PPARGC1A: variants seen among roughly 807,000 people sequenced by gnomAD.
PPARGC1A encodes the protein PPARG coactivator 1 alpha.
A neutral mutation model predicts 88.7 loss-of-function variants in PPARGC1A; 25 were observed. The observed-to-expected ratio is 0.28, with a 90% CI of 0.21 to 0.39. The LOEUF (loss-of-function observed/expected upper bound fraction) is 0.39. PPARGC1A is among the 10% of genes least tolerant of loss of function. PPARGC1A has a pLI of 1.00. For synonymous variants in PPARGC1A, 363 were observed against 355.6 expected (o/e 1.02, Z -0.24); for missense variants, 880 against 968.7 (o/e 0.91, Z 1.22).
chr4:23,984,880 G>C, the PPARGC1A span, among the ~76,000 whole-genome samples: 1 of 152,088 alleles, frequency 6.6e-6, no homozygotes, highest in Non-Finnish European at 1.5e-5. Flanking sequence ...CCAGTGGTCA[G>C]ACAGGATGTA....
the PPARGC1A span, among the ~76,000 whole-genome samples, chr4:24,437,200 A>G: frequency 6.6e-6 from 1 of 152,218 alleles, no homozygotes; most frequent in Non-Finnish European, 1.5e-5. Flanking sequence ...GGACTGCTTC[A>G]TGGCACAGCC....
the PPARGC1A span, among the ~76,000 whole-genome samples, chr4:24,146,246 G>A: frequency 2.6e-5 from 4 of 152,200 alleles, no homozygotes; most frequent in Admixed American, 2.0e-4. Context: ...TTGAATTGGA[G>A]AGCTGTAGAA....
At chr4:24,193,663 A>G in the PPARGC1A span, among the ~76,000 whole-genome samples, 1 of 152,024 alleles carries the variant, frequency 6.6e-6, no homozygotes, top group African/African-American at 2.4e-5. Flanking sequence ...CTGTATCCCA[A>G]CTCCTGGCCA....
At chr4:23,851,664 A>G (rs1223215882) in intron 2 of PPARGC1A, among the ~76,000 whole-genome samples, 1 of 152,116 alleles carries the variant, frequency 6.6e-6, no homozygotes, top group Non-Finnish European at 1.5e-5. Flanking sequence ...AAAACTTAAC[A>G]CTGTGAACGC....
chr4:23,906,487 C>T (rs1182891485), upstream of PPARGC1A, among the ~76,000 whole-genome samples: 1 of 151,246 alleles, frequency 6.6e-6, no homozygotes, highest in Non-Finnish European at 1.5e-5. Flanking sequence ...GTGGTGCATG[C>T]CTGTAATCCC....
chr4:23,965,411 G>A, the PPARGC1A span, among the ~76,000 whole-genome samples: 2 of 152,152 alleles, frequency 1.3e-5, no homozygotes, highest in South Asian at 2.1e-4. Context: ...TGCAGAGCAC[G>A]AATGAATTTA....
the PPARGC1A span, among the ~76,000 whole-genome samples, chr4:23,913,261 TATATATAGAGAGAGAGAGAG>T: frequency 4.0e-3 from 219 of 54,584 alleles, 2 homozygotes; most frequent in African/African-American, 0.012. Flanking sequence ...TATATATATA[TATATATAGAGAGAGAGAGAG>T]AGAGAGAGAG....
intron 5 of PPARGC1A, among the ~76,000 whole-genome samples, chr4:23,827,966 G>A (rs1457592686): frequency 1.3e-5 from 2 of 152,018 alleles, no homozygotes; most frequent in Non-Finnish European, 2.9e-5. Flanking sequence ...AAGAGAGGCT[G>A]CATAAACACT....
the PPARGC1A span, among the ~76,000 whole-genome samples, chr4:23,949,960 G>A: frequency 6.6e-6 from 1 of 152,050 alleles, no homozygotes; most frequent in African/African-American, 2.4e-5. Flanking sequence ...ATTTCATCGT[G>A]CACTAAAAAT....
the PPARGC1A span, among the ~76,000 whole-genome samples, chr4:24,240,746 T>C: frequency 6.6e-6 from 1 of 152,204 alleles, no homozygotes; most frequent in Non-Finnish European, 1.5e-5. Context: ...CAGAGGAATG[T>C]AGCTAGTCAG....
At chr4:24,367,636 T>C in the PPARGC1A span, among the ~76,000 whole-genome samples, 229 of 152,318 alleles carry the variant, frequency 1.5e-3, no homozygotes, top group African/African-American at 4.5e-3. Context: ...TAAAAATGTC[T>C]TTTTCTTTTT....
chr4:24,175,634 C>T, the PPARGC1A span, among the ~76,000 whole-genome samples: 63 of 150,822 alleles, frequency 4.2e-4, no homozygotes, highest in African/African-American at 1.4e-3. Flanking sequence ...GTGATCTGCC[C>T]GCCTCGGCGT....
At chr4:23,993,015 C>A in the PPARGC1A span, among the ~76,000 whole-genome samples, 1 of 152,042 alleles carries the variant, frequency 6.6e-6, no homozygotes, top group Non-Finnish European at 1.5e-5. Context: ...TATATGATAT[C>A]CTAATACTAG....
chr4:24,168,087 G>T, the PPARGC1A span, among the ~76,000 whole-genome samples: 1 of 152,136 alleles, frequency 6.6e-6, no homozygotes, highest in Non-Finnish European at 1.5e-5. Context: ...GTATGTAAAG[G>T]TTTATACATA....
chr4:23,832,608 T>C (rs954379877), intron 2 of PPARGC1A, among the ~76,000 whole-genome samples: 3 of 141,772 alleles, frequency 2.1e-5, no homozygotes, highest in African/African-American at 9.1e-5. Flanking sequence ...TTCTTTTTCT[T>C]TTTCTTTTTT....
At chr4:24,213,553 AG>A in the PPARGC1A span, among the ~76,000 whole-genome samples, 1 of 152,236 alleles carries the variant, frequency 6.6e-6, no homozygotes, top group Non-Finnish European at 1.5e-5. Context: ...CCTGATGTAT[AG>A]CTGTCCAGAC....
the PPARGC1A span, among the ~76,000 whole-genome samples, chr4:24,137,659 G>A: frequency 1.1e-4 from 16 of 152,040 alleles, no homozygotes; most frequent in Admixed American, 1.0e-3. Context: ...CACAAGAAAT[G>A]GCAGCACAGT....
the PPARGC1A span, among the ~76,000 whole-genome samples, chr4:24,468,516 G>A: frequency 6.6e-6 from 1 of 152,132 alleles, no homozygotes; most frequent in East Asian, 1.9e-4. Flanking sequence ...CTCAGATATA[G>A]GACGAAATTT....
chr4:24,416,263 A>G, the PPARGC1A span, among the ~76,000 whole-genome samples: 1 of 152,220 alleles, frequency 6.6e-6, no homozygotes, highest in East Asian at 1.9e-4. Flanking sequence ...TTAAGGTCAA[A>G]TTACAAAGAC....
Sources: allele counts gnomAD v4.1 joint callset (sites outside exome capture counted in the v4.1 genomes callset), GRCh38; gene constraint gnomAD v4.1.1; transcripts MANE v1.5; gene names NCBI Gene and HGNC (gene_info 2026-07-23, HGNC 2026-07-21).